Variants in DMD observed in about 807,000 individuals in gnomAD.
The protein encoded by DMD is dystrophin.
A neutral mutation model predicts 330.1 loss-of-function variants in DMD; 63 were observed. That is an observed-to-expected ratio of 0.19 (90% CI 0.16 to 0.24). The LOEUF (loss-of-function observed/expected upper bound fraction) is 0.24, where lower values mean the gene tolerates loss of function less well. DMD is among the 10% of genes least tolerant of loss of function. The pLI is 1.00. For synonymous variants in DMD, 1,223 were observed against 959.8 expected, an observed-to-expected ratio of 1.27 and a Z score of -5.07; for missense variants, 3,344 against 2,684.1, an observed-to-expected ratio of 1.25 and a Z score of -5.43.
At chrX:31,427,659 G>A (rs187303209) in intron 60 of DMD, among the ~76,000 whole-genome samples, 1 of 112,125 alleles carries the variant, frequency 8.9e-6, no homozygotes, top group East Asian at 2.8e-4. Flanking sequence ...AGTTTTTGCA[G>A]TGTGGTGGTG....
intron 59 of DMD, among the ~76,000 whole-genome samples, chrX:31,448,673 C>G (rs1032270328): frequency 9.8e-5 from 11 of 111,859 alleles, no homozygotes. Flanking sequence ...AGTTTGGAAG[C>G]AGTAAGTGAG....
intron 1 of DMD, among the ~76,000 whole-genome samples, chrX:33,299,356 C>A (rs1027769724): frequency 8.1e-5 from 9 of 111,622 alleles, no homozygotes; most frequent in African/African-American, 2.9e-4. Flanking sequence ...AAATTAATAT[C>A]ATCTACCTTA....
chrX:31,434,415 C>T (rs1332532484), intron 60 of DMD, among the ~76,000 whole-genome samples: 5 of 72,358 alleles, frequency 6.9e-5, no homozygotes, highest in Non-Finnish European at 9.7e-5. Flanking sequence ...CTGCAGCGCG[C>T]GCGCACACAC....
At chrX:32,299,695 G>T (rs190267547) in intron 42 of DMD, among the ~76,000 whole-genome samples, 1 of 110,955 alleles carries the variant, frequency 9.0e-6, no homozygotes, top group African/African-American at 3.3e-5. Flanking sequence ...TAACTGCTCA[G>T]GACCTCCGTT....
intron 48 of DMD, among the ~76,000 whole-genome samples, chrX:31,861,827 C>T (rs1187529619): frequency 1.0e-5 from 1 of 98,712 alleles, no homozygotes; most frequent in Non-Finnish European, 2.0e-5. Context: ...TTTCCTTCTG[C>T]CCTCGCCAAG....
intron 49 of DMD, among the ~76,000 whole-genome samples, chrX:31,833,371 G>GAGAC (rs1246355786): frequency 2.5e-4 from 26 of 105,832 alleles, no homozygotes; most frequent in Admixed American, 2.3e-3. Flanking sequence ...GAGAGAGAGA[G>GAGAC]AGAGAGAGAG....
At chrX:32,836,176 C>T (rs1238429453) in intron 4 of DMD, among the ~76,000 whole-genome samples, 1 of 103,574 alleles carries the variant, frequency 9.7e-6, no homozygotes, top group South Asian at 4.9e-4. Flanking sequence ...GAATTACAGG[C>T]GCCAGCCACC....
At chrX:32,454,962 A>C in intron 25 of DMD, 130 bp from the exon 26 acceptor site, 1 of 723,665 alleles carries the variant, frequency 1.4e-6, no homozygotes, top group Non-Finnish European at 2.0e-6. Flanking sequence ...GCTTATATGC[A>C]TAAGAAAATA....
At chrX:31,879,321 G>T (rs5972455) in intron 47 of DMD, among the ~76,000 whole-genome samples, 1 of 109,873 alleles carries the variant, frequency 9.1e-6, no homozygotes, top group Non-Finnish European at 1.9e-5. Context: ...AAAACTATCA[G>T]ATCTTGTGAA....
chrX:33,081,584 C>CGGCCAT (rs1569553161), intron 1 of DMD, among the ~76,000 whole-genome samples: 1 of 112,267 alleles, frequency 8.9e-6, no homozygotes, highest in Non-Finnish European at 1.9e-5. Flanking sequence ...CCACGGCACC[C>CGGCCAT]GGCCATACCC....
chrX:31,644,603 C>T (rs1384540596), intron 54 of DMD, among the ~76,000 whole-genome samples: 1 of 112,078 alleles, frequency 8.9e-6, no homozygotes, highest in African/African-American at 3.2e-5. Context: ...ATTTGGCAAA[C>T]AGTGCATATC....
At chrX:31,362,794 A>T (rs762544035) in intron 60 of DMD, among the ~76,000 whole-genome samples, 1 of 111,932 alleles carries the variant, frequency 8.9e-6, no homozygotes, top group Non-Finnish European at 1.9e-5. Context: ...AACACAAAAA[A>T]ATTAAATTAG....
chrX:32,893,494 A>AG (rs1283525794), intron 2 of DMD, among the ~76,000 whole-genome samples: 1 of 111,872 alleles, frequency 8.9e-6, no homozygotes, highest in Non-Finnish European at 1.9e-5. Context: ...AGCATCTCTC[A>AG]GGATGTGAAA....
In DMD at chrX:33,297,019, C is replaced by A. The variant is rs189267009; in HGVS notation, c.7+42240G>T. Among the ~76,000 whole-genome samples, 273 of 111,220 alleles carry A rather than the reference C, an allele frequency of 2.5e-3. 1 individual carries two copies. The highest frequency in any genetic ancestry group is 8.4e-3 in the African/African-American group (258 of 30,824). On this transcript the variant is annotated intron_variant, in intron 1 of 17. Coordinates refer to the DMD transcript ENST00000288447. Reference sequence around the variant, plus strand: ...CCAATACACTTACTGTTTTAGATAACTTACGCTGTAGTTTTCATCTCTGTA... The same window carrying A: ...CCAATACACTTACTGTTTTAGATAAATTACGCTGTAGTTTTCATCTCTGTA...
intron 1 of DMD, among the ~76,000 whole-genome samples, chrX:33,099,236 T>C (rs1466701167): frequency 9.0e-6 from 1 of 111,590 alleles, no homozygotes; most frequent in Non-Finnish European, 1.9e-5. Context: ...AGAGCTCAGG[T>C]TGTAAGTGGC....
chrX:32,640,680 A>C (rs987726221), intron 11 of DMD, among the ~76,000 whole-genome samples: 3 of 111,294 alleles, frequency 2.7e-5, no homozygotes, highest in African/African-American at 6.5e-5. Context: ...AATGGCTAAG[A>C]TAGTAAAGTA....
intron 55 of DMD, among the ~76,000 whole-genome samples, chrX:31,517,731 C>A (rs1410889126): frequency 2.7e-5 from 3 of 110,783 alleles, no homozygotes; most frequent in Admixed American, 9.7e-5. Flanking sequence ...ATGCTACCAT[C>A]ATTGAGTGCT....
intron 50 of DMD, among the ~76,000 whole-genome samples, chrX:31,817,729 G>A (rs186262090): frequency 9.0e-6 from 1 of 111,545 alleles, no homozygotes; most frequent in East Asian, 2.8e-4. Context: ...AGACCCTCAT[G>A]TTGGGGAGAA....
At chrX:31,902,139 C>T (rs1204260598) in intron 47 of DMD, among the ~76,000 whole-genome samples, 1 of 111,725 alleles carries the variant, frequency 9.0e-6, no homozygotes, top group African/African-American at 3.2e-5. Context: ...ATTCTGAAAA[C>T]TAATACTTCT....
Sources: allele counts gnomAD v4.1 joint callset (sites outside exome capture counted in the v4.1 genomes callset), GRCh38; gene constraint gnomAD v4.1.1; transcripts MANE v1.5; gene names NCBI Gene and HGNC (gene_info 2026-07-23, HGNC 2026-07-21).